Variants in PRSS23 observed in about 807,000 individuals in gnomAD.
PRSS23 encodes serine protease 23.
A neutral mutation model predicts 34.7 loss-of-function variants in PRSS23; 25 were observed. The observed-to-expected ratio is 0.72, with a 90% confidence interval of 0.53 to 1.01. The LOEUF (loss-of-function observed/expected upper bound fraction) is 1.01. PRSS23 is among the 50% of genes least tolerant of loss of function. The probability of loss-of-function intolerance (pLI) is 0.00; values close to 1 mark genes in which losing one functional copy is unlikely to be tolerated. For synonymous variants in PRSS23, 176 were observed against 186.6 expected (o/e 0.94, Z 0.46); for missense variants, 445 against 475.6 (o/e 0.94, Z 0.60).
chr11:86,829,651 T>A (rs535910472), intron 2 of PRSS23, among the ~76,000 whole-genome samples: 1 of 152,328 alleles, frequency 6.6e-6, no homozygotes, highest in Admixed American at 6.5e-5. Context: ...GATGGTGATG[T>A]ACAGATGGGT....
intron 2 of PRSS23, among the ~76,000 whole-genome samples, chr11:86,919,361 G>C (rs1949033265): frequency 6.6e-6 from 1 of 152,242 alleles, no homozygotes; most frequent in Non-Finnish European, 1.5e-5. Context: ...CGGAGGCCCT[G>C]TGGGCCACTC....
At position 86,829,907 on chromosome 11, in the gene PRSS23, T is replaced by C. The variant is rs1948337285; in HGVS notation, c.206+6314T>C. Among the ~76,000 whole-genome samples, 3 of 151,946 alleles carry C rather than the reference T, an allele frequency of 2.0e-5. No individual in the cohort carries two copies. In the South Asian group the frequency reaches 6.2e-4, roughly 32 times the overall value. ...GTGTCAGTCTGCCCCTACTGGGGGG[T>C]GCCTCCCAGTTAGGCTGCTCGGGTG... On this transcript the variant is annotated intron_variant, in intron 2 of 2. Coordinates refer to the PRSS23 transcript ENST00000533902.
At chr11:86,951,719 T>C in exon 3 of PRSS23, 3 of 1,614,132 alleles carry the variant, frequency 1.9e-6, no homozygotes, top group Non-Finnish European at 2.5e-6. Flanking sequence ...AATGTGGAAA[T>C]AAGAGCTGTG....
At chr11:86,898,241 C>T (rs1407126612) in intron 2 of PRSS23, among the ~76,000 whole-genome samples, 1 of 152,212 alleles carries the variant, frequency 6.6e-6, no homozygotes, top group African/African-American at 2.4e-5. Flanking sequence ...GTTTTCACCT[C>T]TATTTCCATG....
At chr11:86,833,618 T>G (rs1382581584) in intron 2 of PRSS23, among the ~76,000 whole-genome samples, 1 of 152,156 alleles carries the variant, frequency 6.6e-6, no homozygotes, top group Non-Finnish European at 1.5e-5. Flanking sequence ...CCCACTGTGC[T>G]CTCAGGCCAT....
chr11:86,952,288 G>C (rs1157567477), exon 3 of PRSS23: 1 of 1,614,188 alleles, frequency 6.2e-7, no homozygotes. Context: ...CCATGCACAT[G>C]TGGTTGTGGT....
chr11:86,947,237 C>CA (rs71470714), intron 2 of PRSS23: 13 of 164,400 alleles, frequency 7.9e-5, no homozygotes, highest in Admixed American at 1.8e-4. Flanking sequence ...AAACAAACAA[C>CA]AAAAAAAAGG....
chr11:86,872,018 A>G (rs1469642540), intron 2 of PRSS23, among the ~76,000 whole-genome samples: 3 of 152,226 alleles, frequency 2.0e-5, no homozygotes, highest in African/African-American at 7.2e-5. Flanking sequence ...GGGCTCTGGA[A>G]TCAAACATCC....
At chr11:86,950,760 A>G in intron 2 of PRSS23, 1 of 290,208 alleles carries the variant, frequency 3.4e-6, no homozygotes, top group South Asian at 4.5e-5. Context: ...AAAAAAGTTA[A>G]TATTTCTCCC....
At chr11:86,880,317 G>A (rs11234856) in intron 2 of PRSS23, among the ~76,000 whole-genome samples, 13,119 of 150,182 alleles carry the variant, frequency 0.087, 631 homozygotes, top group East Asian at 0.2. Flanking sequence ...GCGGAAGGCC[G>A]CAGGGTCCTC....
At chr11:86,827,300 T>C (rs1489607094) in intron 2 of PRSS23, among the ~76,000 whole-genome samples, 1 of 152,244 alleles carries the variant, frequency 6.6e-6, no homozygotes, top group East Asian at 1.9e-4. Flanking sequence ...TGTAGTATTC[T>C]CTGATGGTAG....
chr11:86,804,964 G>T (rs547421486), intron 1 of PRSS23, among the ~76,000 whole-genome samples: 4 of 152,072 alleles, frequency 2.6e-5, no homozygotes, highest in African/African-American at 4.8e-5. Flanking sequence ...AAACAAGAAC[G>T]CTTGGCAGGT....
intron 2 of PRSS23, among the ~76,000 whole-genome samples, chr11:86,940,518 C>T (rs918294432): frequency 6.6e-6 from 1 of 152,162 alleles, no homozygotes; most frequent in Non-Finnish European, 1.5e-5. Flanking sequence ...TCCTGCTTGC[C>T]TTCTTCCCAG....
downstream of PRSS23, among the ~76,000 whole-genome samples, chr11:86,812,759 G>A (rs1948187886): frequency 7.0e-6 from 1 of 142,736 alleles, no homozygotes; most frequent in Non-Finnish European, 1.5e-5. Flanking sequence ...CTGCACTCCA[G>A]CCTAGGCAAC....
chr11:86,826,985 T>C (rs1250857914), intron 2 of PRSS23, among the ~76,000 whole-genome samples: 1 of 152,160 alleles, frequency 6.6e-6, no homozygotes, highest in African/African-American at 2.4e-5. Context: ...CCAGCTTTGG[T>C]ATCAGGATGA....
chr11:86,924,146 A>C (rs7115645), intron 2 of PRSS23, among the ~76,000 whole-genome samples: 91,072 of 151,934 alleles, frequency 0.6, 27,616 homozygotes, highest in Non-Finnish European at 0.65. Flanking sequence ...CACCAGCTTC[A>C]GAAGACAAGG....
At chr11:86,911,464 G>C (rs1948977599) in intron 2 of PRSS23, 1 of 151,942 alleles carries the variant, frequency 6.6e-6, no homozygotes. Flanking sequence ...TTTCAACCCT[G>C]GCCTCCTTCC....
intron 2 of PRSS23, among the ~76,000 whole-genome samples, chr11:86,840,305 G>A (rs1276274700): frequency 2.0e-5 from 3 of 152,108 alleles, no homozygotes; most frequent in Non-Finnish European, 4.4e-5. Context: ...AAAAAAAGCA[G>A]GGATTGCAAT....
rs566205911 is a variant in PRSS23 at position 86,822,212 on chromosome 11, T to C, written c.-11-1165T>C. On this transcript the variant is annotated intron_variant, in intron 1 of 2. Transcript: ENST00000533902. ...AAAACGTGTCTTTGTGAAGTTTACG[T>C]GGTAATTTTCCATCCCATATGCCAA... Among the ~76,000 whole-genome samples the C allele has an allele frequency of 6.6e-5, 10 of 152,290 alleles. No individual in the cohort carries two copies. In the South Asian group the frequency reaches 2.1e-3, roughly 32 times the overall value.
Sources: gnomAD v4.1 joint callset for allele counts (sites outside exome capture counted in the v4.1 genomes callset) on GRCh38, gnomAD v4.1.1 for gene constraint, MANE v1.5 for transcripts, NCBI Gene and HGNC (gene_info 2026-07-23, HGNC 2026-07-21) for gene names.